Variants in APOH observed in about 807,000 individuals in gnomAD.
APOH encodes the protein beta-2-glycoprotein 1.
A neutral mutation model predicts 39.8 loss-of-function variants in APOH; 48 were observed. The observed-to-expected ratio is 1.21, with a 90% CI of 0.96 to 1.54. The LOEUF (loss-of-function observed/expected upper bound fraction) is 1.54, where lower values mean the gene tolerates loss of function less well. Ranked by LOEUF, APOH falls within the 40% of genes most tolerant of loss-of-function variation. The pLI, the probability that APOH is intolerant of heterozygous loss-of-function variation, is 0.00. For missense variants in APOH, 415 were observed against 421.2 expected, an observed-to-expected ratio of 0.99 and a Z score of 0.13; for synonymous variants, 153 against 151.1, an observed-to-expected ratio of 1.01 and a Z score of -0.09.
chr17:66,227,278 A>G (rs181558747), intron 2 of APOH, among the ~76,000 whole-genome samples: 89 of 152,356 alleles, frequency 5.8e-4, no homozygotes, highest in African/African-American at 2.1e-3. Flanking sequence ...TAGTAAAATC[A>G]ACTTGCATGA....
intron 4 of APOH, among the ~76,000 whole-genome samples, chr17:66,223,154 G>C (rs949169340): frequency 6.6e-6 from 1 of 152,180 alleles, no homozygotes; most frequent in Non-Finnish European, 1.5e-5. Context: ...CTCCTCGTCT[G>C]TCCCGTAAGT....
intron 4 of APOH, 70 bp downstream of exon 4, chr17:66,223,628 G>C (rs1312989729): frequency 1.4e-5 from 18 of 1,322,358 alleles, no homozygotes; most frequent in Non-Finnish European, 2.0e-5. Flanking sequence ...GATTCCAGAT[G>C]TGAGACTTTG....
At chr17:66,227,307 A>G (rs983280504) in intron 2 of APOH, among the ~76,000 whole-genome samples, 2 of 151,050 alleles carry the variant, frequency 1.3e-5, no homozygotes, top group Non-Finnish European at 2.9e-5. Flanking sequence ...AACTTTGACA[A>G]AGGTCCTGTT....
intron 1 of APOH, among the ~76,000 whole-genome samples, chr17:66,228,791 C>T (rs931713136): frequency 2.1e-5 from 3 of 139,772 alleles, no homozygotes; most frequent in Non-Finnish European, 3.0e-5. Context: ...CAGAGCGAGA[C>T]TCTGTCTCAA....
In APOH at chr17:66,220,605, T is replaced by C. The variant is rs750255820; in HGVS notation, c.553A>G (p.Thr185Ala). The change falls in exon 5 of 8, where the codon ACA becomes GCA. Residue 185 changes from threonine to alanine, a missense_variant. Physicochemically the swap from Thr to Ala is moderately conservative, Grantham distance 58. Around this residue, in one of 3 missense-constraint regions of APOH, gnomAD observed 288 missense variants for 284.9 expected, o/e 1.01. Coordinates refer to ENST00000205948, the MANE Select transcript of APOH (RefSeq NM_000042.3). ...LPQHAMFGND[T>A]ITCTTHGNWT... ...TTTCCATGTGTCGTGCAGGTAATTG[T>C]ATCATTTCCAAACATCGCATGTTGT... is the stretch of plus-strand genomic sequence containing the variant. The C allele has an allele frequency of 3.5e-5, 56 of 1,614,104 alleles. No individual in the cohort carries two copies. The South Asian group carries it at 5.6e-4, about 16-fold the overall frequency.
chr17:66,224,441 T>C (rs1280727110), intron 3 of APOH, among the ~76,000 whole-genome samples: 11 of 114,936 alleles, frequency 9.6e-5, no homozygotes, highest in African/African-American at 4.0e-4. Flanking sequence ...GCCACTGCAC[T>C]CTAGACTGAG....
At chr17:66,216,143 G>A (rs1268165427) in intron 6 of APOH, among the ~76,000 whole-genome samples, 3 of 147,504 alleles carry the variant, frequency 2.0e-5, no homozygotes, top group Non-Finnish European at 4.5e-5. Context: ...ACTCCAGCTA[G>A]GCAACAGAGT....
Position 66,212,043 on chromosome 17 carries a change from A to C in APOH, c.*90T>G. On this transcript the variant is annotated 3_prime_UTR_variant, in exon 8 of 8. Coordinates refer to ENST00000205948, the MANE Select transcript of APOH (RefSeq NM_000042.3). ...TAACACTGCAATGGGTGCGGCAATA[A>C]ATTCAGTAGCTTTATTTTTAAATTT... 1.7e-6 allele frequency: 2 copies of C among 1,155,328 alleles called. No homozygotes were observed. The highest frequency in any genetic ancestry group is 2.6e-6 in the Non-Finnish European group (2 of 774,036). 71.6% of individuals were successfully genotyped at this position (1,155,328 alleles called of 1,614,324 possible). A position where few individuals can be genotyped will look rare whatever the true frequency, so the allele number is the denominator to read the frequency against.
At chr17:66,224,929 T>C (rs541866787) in intron 3 of APOH, among the ~76,000 whole-genome samples, 1 of 151,668 alleles carries the variant, frequency 6.6e-6, no homozygotes, top group Admixed American at 6.6e-5. Context: ...TATCTGGGTG[T>C]GGTGGTAGGC....
In APOH at chr17:66,228,458, T is replaced by G. The variant is rs542919593; in HGVS notation, c.65-262A>C. On this transcript the variant is annotated intron_variant, in intron 1 of 7. Transcript: ENST00000205948. ...TACAGAGGAGCTTTACACATGGCAA[T>G]ATTAAAGAATCAGTATCAATCCAGT... is the stretch of plus-strand genomic sequence containing the variant. The G allele has an allele frequency of 1.5e-5, 6 of 395,584 alleles. No individual in the cohort carries two copies. The South Asian group carries it at 2.0e-4, about 13-fold the overall frequency. The allele number at this position is 395,584 out of a possible 1,614,324, so 24.5% of individuals were successfully genotyped here.
intron 4 of APOH, among the ~76,000 whole-genome samples, chr17:66,221,381 GAGGAAGGAAGGA>G (rs1230021025): frequency 6.0e-4 from 17 of 28,404 alleles, no homozygotes; most frequent in South Asian, 2.8e-3. Flanking sequence ...GGGAGGGAGG[GAGGAAGGAAGGA>G]AGGAAGGAAG....
Position 66,212,509 on chromosome 17 carries a change from C to G in APOH, c.983-321G>C, listed in dbSNP as rs8178946. Among the ~76,000 whole-genome samples, 163 of 152,210 alleles carry G rather than the reference C, an allele frequency of 1.1e-3. 3 individuals carry two copies. In the East Asian group the frequency reaches 0.029, roughly 27 times the overall value. On this transcript the variant is annotated intron_variant, in intron 7 of 7. Transcript: ENST00000205948. ...AAGTGATTCTCCTGTCTCAGCCTCCCGAGTAGCTGGGACTACAGGCACGTG... is the reference window on the plus strand; with the variant it reads ...AAGTGATTCTCCTGTCTCAGCCTCCGGAGTAGCTGGGACTACAGGCACGTG...
At chr17:66,214,754 GT>G (rs1482409426) in intron 6 of APOH, 104 bp from the exon 7 acceptor site, 1 of 949,810 alleles carries the variant, frequency 1.1e-6, no homozygotes, top group Non-Finnish European at 1.6e-6. Flanking sequence ...ACACAAATTG[GT>G]CAAGGCAAGA....
chr17:66,213,935 C>CAA (rs539350788), intron 7 of APOH, among the ~76,000 whole-genome samples: 5 of 135,950 alleles, frequency 3.7e-5, no homozygotes, highest in Admixed American at 7.5e-5. Flanking sequence ...GACCTTGTCT[C>CAA]AAAAAAAAAA....
intron 4 of APOH, 69 bp from the exon 5 acceptor site, chr17:66,220,811 GA>G (rs78195703): frequency 0.064 from 79,132 of 1,231,026 alleles, 2,055 homozygotes; most frequent in African/African-American, 0.097. Context: ...TTTCCAGAAA[GA>G]AAAAAAAAAC....
chr17:66,220,512 T>A, intron 5 of APOH, 42 bp downstream of exon 5: 2 of 1,581,762 alleles, frequency 1.3e-6, no homozygotes, highest in Non-Finnish European at 1.7e-6. Flanking sequence ...ACAAATGGGA[T>A]CTTGCCCTAC....
intron 7 of APOH, 42 bp downstream of exon 7, chr17:66,214,411 G>T (rs2073352180): frequency 2.6e-6 from 4 of 1,555,084 alleles, no homozygotes; most frequent in Non-Finnish European, 1.8e-6. Flanking sequence ...TATGATGACG[G>T]GCAAGTGGGA....
chr17:66,228,982 G>T (rs2073456700), intron 1 of APOH, among the ~76,000 whole-genome samples: 1 of 151,756 alleles, frequency 6.6e-6, no homozygotes, highest in Admixed American at 6.6e-5. Flanking sequence ...ACAGGCGCCT[G>T]CCATCACGCC....
intron 2 of APOH, 36 bp downstream of exon 2, chr17:66,227,984 T>C (rs754431077): frequency 6.3e-7 from 1 of 1,587,500 alleles, no homozygotes; most frequent in Non-Finnish European, 8.6e-7. Context: ...AGAATCCAAA[T>C]GAGGGAAGAG....
Sources: allele counts gnomAD v4.1 joint callset (sites outside exome capture counted in the v4.1 genomes callset), GRCh38; gene constraint gnomAD v4.1.1; regional missense constraint gnomAD v4.1.1; transcripts MANE v1.5; gene names NCBI Gene and HGNC (gene_info 2026-07-23, HGNC 2026-07-21).